FAM135A: variants seen among roughly 807,000 people sequenced by gnomAD.
FAM135A encodes the protein family with sequence similarity 135 member A.
Under a neutral mutation model 146.8 loss-of-function variants are expected in FAM135A, and 79 were observed. That is an observed-to-expected ratio of 0.54 (90% CI 0.45 to 0.65). FAM135A has a LOEUF of 0.65. Among genes scored for constraint, FAM135A ranks in the 30% least tolerant of loss-of-function variants. The pLI, the probability that FAM135A is intolerant of heterozygous loss-of-function variation, is 0.00. For missense variants in FAM135A, 1,623 were observed against 1,758.2 expected, an observed-to-expected ratio of 0.92 and a Z score of 1.38; for synonymous variants, 562 against 603.6, an observed-to-expected ratio of 0.93 and a Z score of 1.01.
intron 16 of FAM135A, among the ~76,000 whole-genome samples, chr6:70,530,016 A>G (rs1216387686): frequency 6.6e-6 from 1 of 152,178 alleles, no homozygotes; most frequent in Non-Finnish European, 1.5e-5. Flanking sequence ...GTGAGCTGAG[A>G]TCGCGCCACT....
At chr6:70,519,362 C>T (rs1793028719) in intron 12 of FAM135A, among the ~76,000 whole-genome samples, 1 of 152,158 alleles carries the variant, frequency 6.6e-6, no homozygotes, top group South Asian at 2.1e-4. Context: ...GGTGAAGATG[C>T]TGCGAACATT....
Position 70,533,837 on chromosome 6 carries a change from A to G in FAM135A, c.3948A>G (p.Leu1316=), listed in dbSNP as rs750172633. 6.6e-7 allele frequency: 1 copy of G among 1,504,890 alleles called. No homozygotes were observed. The highest frequency in any genetic ancestry group is 9.0e-7 in the Non-Finnish European group (1 of 1,117,088). The allele number at this position is 1,504,890 out of a possible 1,614,324, so 93.2% of individuals were successfully genotyped here. A position where few individuals can be genotyped will look rare whatever the true frequency, so the allele number is the denominator to read the frequency against. The change falls in exon 18 of 22, where the codon CTA becomes CTG. Residue 1316 remains leucine (L), a synonymous_variant. Transcript: ENST00000418814. ...EIIQYIQIYS[L]TVSKISFIGH... ...TACAGTATATTCAGATATATAGTCTAACAGTCTCAAAAATAAGGTATCTTC... is the reference window on the plus strand; with the variant it reads ...TACAGTATATTCAGATATATAGTCTGACAGTCTCAAAAATAAGGTATCTTC...
At chr6:70,471,826 G>A (rs1486978179) in intron 5 of FAM135A, among the ~76,000 whole-genome samples, 1 of 152,148 alleles carries the variant, frequency 6.6e-6, no homozygotes, top group African/African-American at 2.4e-5. Flanking sequence ...GCTGAGGAGG[G>A]TTAGAGAGCA....
chr6:70,521,165 T>C (rs1793493316), intron 12 of FAM135A, among the ~76,000 whole-genome samples: 2 of 152,208 alleles, frequency 1.3e-5, no homozygotes, highest in Admixed American at 1.3e-4. Flanking sequence ...AGAATTAGAA[T>C]AAAGTTTTTA....
In FAM135A at chr6:70,542,359, A is replaced by ATCACC. The variant is rs997781737; in HGVS notation, c.4228+3961_4228+3962insCCTCA. On this transcript the variant is annotated intron_variant, in intron 20 of 21. Coordinates refer to ENST00000418814, the MANE Select transcript of FAM135A (RefSeq NM_001162529.3). ...TTTGTATCACCTCATGTGTTTTTGTATCATGTGTTTTTGTATCACCTCATG... is the reference window on the plus strand; with the variant it reads ...TTTGTATCACCTCATGTGTTTTTGTATCACCTCATGTGTTTTTGTATCACCTCATG... Among the ~76,000 whole-genome samples, 7 of 150,326 alleles carry ATCACC rather than the reference A, an allele frequency of 4.7e-5. No individual in the cohort carries two copies. In the East Asian group the frequency reaches 7.8e-4, roughly 17 times the overall value.
chr6:70,511,515 T>G (rs2128293907), intron 12 of FAM135A, among the ~76,000 whole-genome samples: 1 of 151,980 alleles, frequency 6.6e-6, no homozygotes, highest in South Asian at 2.1e-4. Flanking sequence ...CTCAATTTAA[T>G]TAGTGTATAT....
At chr6:70,437,217 G>T (rs1164604536) in intron 4 of FAM135A, among the ~76,000 whole-genome samples, 3 of 152,058 alleles carry the variant, frequency 2.0e-5, no homozygotes, top group African/African-American at 7.2e-5. Flanking sequence ...TACCCATATG[G>T]ATCTTAGAGT....
intron 10 of FAM135A, 79 bp downstream of exon 10, chr6:70,482,233 C>G: frequency 1.4e-6 from 2 of 1,424,894 alleles, no homozygotes; most frequent in South Asian, 2.8e-5. Flanking sequence ...TCAGCTTTGC[C>G]ATAGTTTTTC....
intron 11 of FAM135A, among the ~76,000 whole-genome samples, chr6:70,491,945 A>G (rs1233876139): frequency 1.3e-5 from 2 of 151,938 alleles, no homozygotes; most frequent in Non-Finnish European, 3.0e-5. Context: ...GTAGATAATC[A>G]CTAAAAGATA....
intron 5 of FAM135A, among the ~76,000 whole-genome samples, chr6:70,457,357 C>T (rs76113221): frequency 0.019 from 2,820 of 152,264 alleles, 84 homozygotes; most frequent in African/African-American, 0.062. Context: ...TCTTTCCGTA[C>T]GTAGTTTCAG....
chr6:70,454,322 G>A (rs901464723), intron 5 of FAM135A, among the ~76,000 whole-genome samples: 1 of 152,084 alleles, frequency 6.6e-6, no homozygotes, highest in African/African-American at 2.4e-5. Flanking sequence ...TTGTCAGATG[G>A]GTAGATTGCA....
chr6:70,428,761 A>G (rs989706874), intron 4 of FAM135A, among the ~76,000 whole-genome samples: 15 of 152,336 alleles, frequency 9.8e-5, no homozygotes, highest in African/African-American at 3.6e-4. Flanking sequence ...TAGAAATACA[A>G]ACATACATGA....
chr6:70,471,807 G>A (rs1280398502), intron 5 of FAM135A, among the ~76,000 whole-genome samples: 2 of 152,162 alleles, frequency 1.3e-5, no homozygotes, highest in East Asian at 3.8e-4. Flanking sequence ...ATGATCACAG[G>A]AGTGAGGAGC....
At chr6:70,476,657 A>T (rs556634508) in intron 7 of FAM135A, among the ~76,000 whole-genome samples, 1 of 152,290 alleles carries the variant, frequency 6.6e-6, no homozygotes, top group African/African-American at 2.4e-5. Flanking sequence ...TTTAGTGTGT[A>T]TAAATCTAAT....
Position 70,559,999 on chromosome 6 carries a change from T to C in FAM135A, c.*78T>C. 4 of 1,126,506 alleles carry C rather than the reference T, an allele frequency of 3.6e-6. No homozygotes were observed. The highest frequency in any genetic ancestry group is 5.1e-6 in the Non-Finnish European group (4 of 790,218). 69.8% of individuals were successfully genotyped at this position (1,126,506 alleles called of 1,614,324 possible). A position where few individuals can be genotyped will look rare whatever the true frequency, so the allele number is the denominator to read the frequency against. ...ATAATGTATTATATTAAAATGTAGA[T>C]GCTGATAAGTTCTAAGAAATATTTA... On this transcript the variant is annotated 3_prime_UTR_variant, in exon 22 of 22. Transcript: ENST00000418814.
chr6:70,508,202 C>T (rs866332189), intron 12 of FAM135A, among the ~76,000 whole-genome samples: 2 of 152,160 alleles, frequency 1.3e-5, no homozygotes, highest in Non-Finnish European at 2.9e-5. Flanking sequence ...CTGTTCTTTG[C>T]TCCAAAGGGA....
chr6:70,456,187 A>G (rs750721169), intron 5 of FAM135A, among the ~76,000 whole-genome samples: 1 of 152,204 alleles, frequency 6.6e-6, no homozygotes, highest in Non-Finnish European at 1.5e-5. Context: ...AAATACCCAA[A>G]AGGAAGTATG....
chr6:70,516,136 C>T (rs1255614136), intron 12 of FAM135A, among the ~76,000 whole-genome samples: 1 of 152,078 alleles, frequency 6.6e-6, no homozygotes, highest in Non-Finnish European at 1.5e-5. Context: ...AGGGTAAGTT[C>T]TCCTCTCATG....
At chr6:70,548,665 G>T (rs1799276651) in intron 20 of FAM135A, among the ~76,000 whole-genome samples, 1 of 152,046 alleles carries the variant, frequency 6.6e-6, no homozygotes, top group Admixed American at 6.6e-5. Flanking sequence ...ATTTTATGAA[G>T]AAATATATAA....
Sources: gnomAD v4.1 joint callset for allele counts (sites outside exome capture counted in the v4.1 genomes callset) on GRCh38, gnomAD v4.1.1 for gene constraint, MANE v1.5 for transcripts, NCBI Gene and HGNC (gene_info 2026-07-23, HGNC 2026-07-21) for gene names.